KIAA0040: variants seen among roughly 807,000 people sequenced by gnomAD.
KIAA0040 encodes the protein KIAA0040.
KIAA0040 carries 10 observed loss-of-function variants against 7.2 expected under a neutral mutation model. That is an observed-to-expected ratio of 1.38 (90% CI 0.85 to 2.34). The LOEUF (loss-of-function observed/expected upper bound fraction) is 2.34. Among genes scored for constraint, KIAA0040 ranks in the 30% most tolerant of loss-of-function variants. The pLI is 0.00. For synonymous variants in KIAA0040, 49 were observed against 40.1 expected (o/e 1.22, Z -0.84); for missense variants, 89 against 108.2 (o/e 0.82, Z 0.79).
In KIAA0040 at chr1:175,158,880, T is replaced by G. The variant is rs1010925985; in HGVS notation, c.*1834A>C. ...AAAACCCTGGTGCAAGGGTCACCAC[T>G]AAATGCCCACCCTCCACAGGCCTAA... On this transcript the variant is annotated 3_prime_UTR_variant, in exon 4 of 4. Transcript: ENST00000423313. 2 of 152,152 alleles carry G rather than the reference T, an allele frequency of 1.3e-5. No homozygotes were observed. The highest frequency in any genetic ancestry group is 4.8e-5 in the African/African-American group (2 of 41,418). 9.4% of individuals were successfully genotyped at this position (152,152 alleles called of 1,614,324 possible).
Position 175,161,130 on chromosome 1 carries a change from C to CGACCACCGAG in KIAA0040, c.-118_-117insCTCGGTGGTC. The CGACCACCGAG allele has an allele frequency of 5.3e-6, 5 of 950,984 alleles. No individual in the cohort carries two copies. The highest frequency in any genetic ancestry group is 2.9e-5 in the Admixed American group (1 of 34,868). 58.9% of individuals were successfully genotyped at this position (950,984 alleles called of 1,614,324 possible). A position where few individuals can be genotyped will look rare whatever the true frequency, so the allele number is the denominator to read the frequency against. On this transcript the variant is annotated 5_prime_UTR_variant, in exon 4 of 4. An upstream start codon of the reference 5' UTR is lost. Coordinates refer to ENST00000423313, the MANE Select transcript of KIAA0040 (RefSeq NM_014656.3). ...TTCCTCTTCCAGCTTTGGGTTTGGG[C>CGACCACCGAG]ATGCCACTGGCAGCACCTGAAGAGA...
At chr1:175,183,581 C>T (rs1677531299) in intron 1 of KIAA0040, among the ~76,000 whole-genome samples, 1 of 152,324 alleles carries the variant, frequency 6.6e-6, no homozygotes, top group South Asian at 2.1e-4. Context: ...TGAGCTTTCA[C>T]AATTGGGGTT....
intron 3 of KIAA0040, among the ~76,000 whole-genome samples, chr1:175,161,412 T>C (rs988415456): frequency 2.6e-5 from 4 of 152,158 alleles, no homozygotes; most frequent in Non-Finnish European, 5.9e-5. Context: ...AAGTTCTCAG[T>C]AGTTGTTGGA....
chr1:175,161,964 G>T (rs944584601), intron 3 of KIAA0040, among the ~76,000 whole-genome samples: 11 of 152,162 alleles, frequency 7.2e-5, no homozygotes, highest in African/African-American at 2.7e-4. Context: ...AGTCCTTGCA[G>T]GCTGCTTAGT....
chr1:175,182,770 G>A lies in KIAA0040; in HGVS notation c.-383-5086C>T, dbSNP rs80252527. On this transcript the variant is annotated intron_variant, in intron 1 of 3. Transcript: ENST00000423313. Reference sequence around the variant, plus strand: ...GGGGGATAAGAATAGAACCTCTGTCGTAGGATTATTGTGGGAACCAGATGA... The same window carrying A: ...GGGGGATAAGAATAGAACCTCTGTCATAGGATTATTGTGGGAACCAGATGA... 9.2e-5 allele frequency among the ~76,000 whole-genome samples: 14 copies of A among 152,312 alleles called. No individual in the cohort carries two copies. In the East Asian group the frequency reaches 1.2e-3, roughly 13 times the overall value.
chr1:175,186,737 C>T (rs543278198), intron 1 of KIAA0040, among the ~76,000 whole-genome samples: 1 of 152,254 alleles, frequency 6.6e-6, no homozygotes, highest in Non-Finnish European at 1.5e-5. Flanking sequence ...CAGTAAAGTA[C>T]TGCTTTCTTC....
intron 2 of KIAA0040, among the ~76,000 whole-genome samples, chr1:175,169,016 C>G (rs1441376006): frequency 1.3e-5 from 2 of 152,182 alleles, no homozygotes; most frequent in Non-Finnish European, 2.9e-5. Context: ...TCCTGAATGA[C>G]TGTGTGGAGC....
rs1677080288 is a variant in KIAA0040, at chr1:175,173,853, G to A, written c.-310+3758C>T. ...CCCCAAGGCATGAAACTCACTGGCA[G>A]TCTGGGAGCTATGTCCAACCCACAG... On this transcript the variant is annotated intron_variant, in intron 2 of 3. Coordinates refer to ENST00000423313, the MANE Select transcript of KIAA0040 (RefSeq NM_014656.3). Among the ~76,000 whole-genome samples, 4 of 152,210 alleles carry A rather than the reference G, an allele frequency of 2.6e-5. No homozygotes were observed. The South Asian group carries it at 8.3e-4, about 32-fold the overall frequency.
chr1:175,158,466 G>A lies in KIAA0040; in HGVS notation c.*2248C>T, dbSNP rs1184661958. 1 of 152,152 alleles carries A rather than the reference G, an allele frequency of 6.6e-6. No individual in the cohort carries two copies. The highest frequency in any genetic ancestry group is 1.5e-5 in the Non-Finnish European group (1 of 68,056). The allele number at this position is 152,152 out of a possible 1,614,324, so 9.4% of individuals were successfully genotyped here. A position where few individuals can be genotyped will look rare whatever the true frequency, so the allele number is the denominator to read the frequency against. On this transcript the variant is annotated 3_prime_UTR_variant, in exon 4 of 4. Transcript: ENST00000423313. Reference sequence around the variant, plus strand: ...CGGATCCCGGTGATCCGCCCTCCTAGATCATATCTGACACTACGTCTCAGC... The same window carrying A: ...CGGATCCCGGTGATCCGCCCTCCTAAATCATATCTGACACTACGTCTCAGC...
chr1:175,176,244 A>C (rs1055081988), intron 2 of KIAA0040, among the ~76,000 whole-genome samples: 1 of 152,178 alleles, frequency 6.6e-6, no homozygotes, highest in Non-Finnish European at 1.5e-5. Context: ...ATATGGTTCT[A>C]TTTTCCTTTC....
chr1:175,187,189 G>A (rs1032763422), intron 1 of KIAA0040, among the ~76,000 whole-genome samples: 18 of 152,206 alleles, frequency 1.2e-4, no homozygotes, highest in African/African-American at 4.1e-4. Context: ...TCTGGTAGGG[G>A]TGGGCAGGAT....
chr1:175,177,387 C>T (rs148430640), intron 2 of KIAA0040, among the ~76,000 whole-genome samples: 46 of 152,332 alleles, frequency 3.0e-4, no homozygotes, highest in Admixed American at 3.3e-4. Flanking sequence ...TGGCCTAGAG[C>T]AGCCAGAGAA....
At chr1:175,180,864 A>T (rs528808570) in intron 1 of KIAA0040, among the ~76,000 whole-genome samples, 3 of 152,262 alleles carry the variant, frequency 2.0e-5, no homozygotes, top group South Asian at 2.1e-4. Context: ...TTTAATTTTT[A>T]AAAAATATAC....
At chr1:175,177,707 GAT>G (rs1204059168) in intron 1 of KIAA0040, 23 bp from the exon 2 acceptor site, 3 of 152,214 alleles carry the variant, frequency 2.0e-5, no homozygotes, top group Admixed American at 6.5e-5. Context: ...ACAAGAAAAT[GAT>G]AGCATGTACT....
Position 175,166,137 on chromosome 1 carries a change from C to A in KIAA0040, c.-134+425G>T, listed in dbSNP as rs116780623. Among the ~76,000 whole-genome samples, 866 of 152,254 alleles carry A rather than the reference C, an allele frequency of 5.7e-3. 4 individuals are homozygous for A. Among genetic ancestry groups the A allele is most frequent in the Middle Eastern group, 0.02 (6 of 294 alleles). ...GACCCCTCTTCTGCGACTGCTGACT[C>A]CTGGATTTGTGTGGGGGGCCATTTT... On this transcript the variant is annotated intron_variant, in intron 3 of 3. Coordinates refer to ENST00000423313, the MANE Select transcript of KIAA0040 (RefSeq NM_014656.3).
intron 1 of KIAA0040, among the ~76,000 whole-genome samples, 186 bp from the exon 2 acceptor site, chr1:175,177,870 G>GT (rs1677267886): frequency 6.6e-6 from 1 of 152,170 alleles, no homozygotes; most frequent in African/African-American, 2.4e-5. Flanking sequence ...AGGGTCCTTA[G>GT]GTAAAAGCAC....
In KIAA0040 at chr1:175,161,009, T is replaced by C. The variant is rs1462807786; in HGVS notation, c.5A>G (p.Glu2Gly). Residue 2 changes from glutamate (E) to glycine (G), a missense_variant, in exon 4 of 4, where the codon GAG becomes GGG. By Grantham distance (98) the Glu-to-Gly change is moderately conservative (BLOSUM62 -2). Transcript: ENST00000423313. ...AGAGCTGAAGAAGGCACTGATTCTC[T>C]CCATGGTGCTTGGCTAGATTAGGGC... M[E>G]RISAFFSSIW... 2 of 1,549,670 alleles carry C rather than the reference T, an allele frequency of 1.3e-6. No individual in the cohort carries two copies. Among genetic ancestry groups the C allele is most frequent in the African/African-American group, 2.7e-5 (2 of 72,994 alleles).
chr1:175,185,677 T>C (rs927505201), intron 1 of KIAA0040, among the ~76,000 whole-genome samples: 4 of 152,216 alleles, frequency 2.6e-5, no homozygotes, highest in Admixed American at 6.5e-5. Flanking sequence ...TACCATATGA[T>C]CCAGCAATTC....
At chr1:175,191,201 A>G (rs1281052800) in intron 1 of KIAA0040, among the ~76,000 whole-genome samples, 1 of 152,206 alleles carries the variant, frequency 6.6e-6, no homozygotes, top group Admixed American at 6.5e-5. Flanking sequence ...ACTGGCCTGC[A>G]CACGGTAGGT....
Sources: allele counts gnomAD v4.1 joint callset (sites outside exome capture counted in the v4.1 genomes callset), GRCh38; gene constraint gnomAD v4.1.1; transcripts MANE v1.5; gene names NCBI Gene and HGNC (gene_info 2026-07-23, HGNC 2026-07-21).